Variants in FAM219A observed in about 807,000 individuals in gnomAD.
FAM219A encodes the protein family with sequence similarity 219 member A, also known as protein FAM219A.
Under a neutral mutation model 23.4 loss-of-function variants are expected in FAM219A, and 7 were observed. The observed-to-expected ratio is 0.30, with a 90% CI of 0.17 to 0.56. The LOEUF is 0.56. Ranked by LOEUF, FAM219A falls within the 20% of genes least tolerant of loss-of-function variation. The probability of loss-of-function intolerance (pLI) is 0.92; values close to 1 mark genes in which losing one functional copy is unlikely to be tolerated. For synonymous variants in FAM219A, 93 were observed against 99.0 expected (o/e 0.94, Z 0.36); for missense variants, 166 against 246.9 (o/e 0.67, Z 2.20).
chr9:34,441,815 G>A (rs1016800523), intron 1 of FAM219A, among the ~76,000 whole-genome samples: 8 of 151,924 alleles, frequency 5.3e-5, no homozygotes, highest in Admixed American at 2.0e-4. Flanking sequence ...CTGCAGCCTC[G>A]ACCTCCTGGG....
chr9:34,441,839 C>T (rs1823186309), intron 1 of FAM219A, among the ~76,000 whole-genome samples: 1 of 152,190 alleles, frequency 6.6e-6, no homozygotes, highest in Non-Finnish European at 1.5e-5. Context: ...AAGCAATCCT[C>T]CTGCCTGCCA....
intron 1 of FAM219A, among the ~76,000 whole-genome samples, chr9:34,442,804 G>A (rs1823229765): frequency 6.6e-6 from 1 of 151,964 alleles, no homozygotes; most frequent in South Asian, 2.1e-4. Flanking sequence ...GGGTGATAAT[G>A]GTATTTATGT....
intron 2 of FAM219A, among the ~76,000 whole-genome samples, chr9:34,405,556 C>T (rs560024635): frequency 3.4e-4 from 52 of 152,282 alleles, no homozygotes; most frequent in African/African-American, 1.3e-3. Context: ...TCAGCCTGAT[C>T]CAGTGTTTGA....
chr9:34,420,506 C>T (rs879352492), intron 1 of FAM219A, among the ~76,000 whole-genome samples: 2 of 152,180 alleles, frequency 1.3e-5, no homozygotes, highest in Non-Finnish European at 2.9e-5. Flanking sequence ...TGCCACAGGG[C>T]ACTCACTTAC....
chr9:34,441,635 T>C (rs1823178235), intron 1 of FAM219A, among the ~76,000 whole-genome samples: 1 of 152,200 alleles, frequency 6.6e-6, no homozygotes, highest in Non-Finnish European at 1.5e-5. Flanking sequence ...TTCTTTGCTG[T>C]ACAAATGTGA....
intron 1 of FAM219A, among the ~76,000 whole-genome samples, chr9:34,450,344 T>C (rs551735182): frequency 3.3e-5 from 5 of 151,858 alleles, no homozygotes; most frequent in African/African-American, 1.2e-4. Flanking sequence ...CTATAATTTA[T>C]ACCTTGTACA....
chr9:34,402,733 T>G lies in FAM219A; in HGVS notation c.235A>C (p.Lys79Gln). The change falls in exon 3 of 6, where the codon AAG (lysine) becomes CAG (glutamine). Residue 79 changes from lysine (K) to glutamine (Q), a missense_variant. Around this residue, in one of 3 missense-constraint regions of FAM219A, gnomAD observed 89 missense variants for 98.8 expected, o/e 0.90. Coordinates refer to ENST00000651358, the MANE Select transcript of FAM219A (RefSeq NM_001184940.2). ...GTTCGGGCCATGACATTGTTCTTCTTGGGTTGCTGGTTGACAGGGCTACCC... is the reference window on the plus strand; with the variant it reads ...GTTCGGGCCATGACATTGTTCTTCTGGGGTTGCTGGTTGACAGGGCTACCC... ...SMGSPVNQQP[K>Q]KNNVMARTRL... 6.2e-7 allele frequency: 1 copy of G among 1,614,182 alleles called. No individual in the cohort carries two copies. The highest frequency in any genetic ancestry group is 8.5e-7 in the Non-Finnish European group (1 of 1,180,020).
chr9:34,433,814 A>G (rs920261989), intron 1 of FAM219A, among the ~76,000 whole-genome samples: 3 of 152,178 alleles, frequency 2.0e-5, no homozygotes, highest in Admixed American at 6.5e-5. Flanking sequence ...ATGCATATTC[A>G]ATGGGGAAAG....
chr9:34,419,354 G>T (rs150950718), intron 1 of FAM219A, among the ~76,000 whole-genome samples: 4 of 151,936 alleles, frequency 2.6e-5, no homozygotes, highest in Non-Finnish European at 4.4e-5. Flanking sequence ...GGGATTTGGG[G>T]TTGGGTTTCT....
At chr9:34,402,891 C>A in intron 2 of FAM219A, 84 bp from the exon 3 acceptor site, 1 of 1,259,004 alleles carries the variant, frequency 7.9e-7, no homozygotes, top group East Asian at 2.4e-5. Context: ...GGCTGGGCCT[C>A]CACTGTGAAA....
chr9:34,452,781 C>T (rs965525555), intron 1 of FAM219A, among the ~76,000 whole-genome samples: 14 of 152,172 alleles, frequency 9.2e-5, no homozygotes, highest in African/African-American at 3.1e-4. Context: ...GCTTCTAGTA[C>T]TCTTCCTATG....
chr9:34,439,032 C>T lies in FAM219A; in HGVS notation c.60+19172G>A, dbSNP rs1405464920. ...CGAGCCCACCGGGAGGAACGAACAA[C>T]TCCAGAGGCGCTGCCTTAAGAGCTG... is the stretch of plus-strand genomic sequence containing the variant. On this transcript the variant is annotated intron_variant, in intron 1 of 5. Transcript: ENST00000651358. Among the ~76,000 whole-genome samples, 3 of 151,852 alleles carry T rather than the reference C, an allele frequency of 2.0e-5. No homozygotes were observed. The East Asian group carries it at 5.8e-4, about 29-fold the overall frequency.
rs1034523718 is a variant in FAM219A, at chr9:34,398,588, G to T, written c.*2376C>A. On this transcript the variant is annotated 3_prime_UTR_variant, in exon 6 of 6. Coordinates refer to ENST00000651358, the MANE Select transcript of FAM219A (RefSeq NM_001184940.2). ...CCAGGGAACTAGTATGTCCTGTGGG[G>T]GGGGAGATTTTCCCTGGTGTCTCAG... 1 of 575,534 alleles carries T rather than the reference G, an allele frequency of 1.7e-6. No homozygotes were observed. Among genetic ancestry groups the T allele is most frequent in the Non-Finnish European group, 3.1e-6 (1 of 323,010 alleles). 35.7% of individuals were successfully genotyped at this position (575,534 alleles called of 1,614,324 possible). A position where few individuals can be genotyped will look rare whatever the true frequency, so the allele number is the denominator to read the frequency against.
At chr9:34,452,019 A>G (rs182209877) in intron 1 of FAM219A, among the ~76,000 whole-genome samples, 3 of 152,368 alleles carry the variant, frequency 2.0e-5, no homozygotes, top group African/African-American at 4.8e-5. Context: ...TAAAAGGCAA[A>G]GCCAGAAACT....
At chr9:34,441,436 G>A (rs1304988336) in intron 1 of FAM219A, among the ~76,000 whole-genome samples, 3 of 152,206 alleles carry the variant, frequency 2.0e-5, no homozygotes, top group African/African-American at 7.2e-5. Flanking sequence ...TCCTCTCAGA[G>A]AAGCACAGGG....
intron 1 of FAM219A, among the ~76,000 whole-genome samples, chr9:34,436,423 T>A (rs547859133): frequency 7.3e-5 from 11 of 151,598 alleles, no homozygotes; most frequent in Admixed American, 2.0e-4. Flanking sequence ...AAAAAAAAAT[T>A]TTTGTAGAGA....
At chr9:34,443,770 C>T (rs554045369) in intron 1 of FAM219A, among the ~76,000 whole-genome samples, 1 of 152,206 alleles carries the variant, frequency 6.6e-6, no homozygotes, top group Non-Finnish European at 1.5e-5. Context: ...AATTTCCCCA[C>T]CCCCTCAAGC....
At chr9:34,421,405 C>T (rs1437813161) in intron 1 of FAM219A, among the ~76,000 whole-genome samples, 1 of 152,088 alleles carries the variant, frequency 6.6e-6, no homozygotes, top group Non-Finnish European at 1.5e-5. Context: ...AAACAATACT[C>T]AACTGCTAAG....
chr9:34,448,992 CG>C (rs199975678), intron 1 of FAM219A, among the ~76,000 whole-genome samples: 21 of 92,140 alleles, frequency 2.3e-4, no homozygotes, highest in African/African-American at 8.9e-4. Context: ...CAAAAACTAT[CG>C]GAAAAAAAAA....
Sources: allele counts gnomAD v4.1 joint callset (sites outside exome capture counted in the v4.1 genomes callset), GRCh38; gene constraint gnomAD v4.1.1; regional missense constraint gnomAD v4.1.1; transcripts MANE v1.5; gene names NCBI Gene and HGNC (gene_info 2026-07-23, HGNC 2026-07-21).